PTPRD: variants seen among roughly 807,000 people sequenced by gnomAD.
The protein encoded by PTPRD is protein tyrosine phosphatase receptor type D, also known as receptor-type tyrosine-protein phosphatase delta.
A neutral mutation model predicts 214.5 loss-of-function variants in PTPRD; 34 were observed. The ratio of observed to expected loss-of-function variants is 0.16; its 90% CI spans 0.12 to 0.21. The LOEUF is 0.21. Among genes scored for constraint, PTPRD ranks in the 10% least tolerant of loss-of-function variants. The pLI, the probability that PTPRD is intolerant of heterozygous loss-of-function variation, is 1.00. For missense variants in PTPRD, 2,545 were observed against 2,398.7 expected (o/e 1.06, Z -1.27); for synonymous variants, 1,128 against 845.7 (o/e 1.33, Z -5.79).
chr9:8,999,624 C>A (rs921347195), intron 11 of PTPRD, among the ~76,000 whole-genome samples: 3 of 151,776 alleles, frequency 2.0e-5, no homozygotes, highest in African/African-American at 7.3e-5. Flanking sequence ...TTAATATCTC[C>A]GAGGTATGCT....
At chr9:10,288,103 C>A (rs1035110906) in intron 3 of PTPRD, among the ~76,000 whole-genome samples, 6 of 126,240 alleles carry the variant, frequency 4.8e-5, no homozygotes, top group African/African-American at 1.9e-4. Context: ...AAATTTTGAC[C>A]ACAAACCTTT....
intron 8 of PTPRD, among the ~76,000 whole-genome samples, chr9:9,552,172 G>C (rs1181305757): frequency 2.6e-5 from 4 of 151,848 alleles, no homozygotes; most frequent in Admixed American, 1.3e-4. Context: ...GGCTCAGAGA[G>C]GTAAATTGAT....
chr9:9,417,566 G>C (rs1202984328), intron 8 of PTPRD, among the ~76,000 whole-genome samples: 2 of 152,004 alleles, frequency 1.3e-5, no homozygotes, highest in Non-Finnish European at 2.9e-5. Flanking sequence ...TATTTAGTTT[G>C]AACTCAGGGT....
chr9:10,606,528 A>C (rs964293402), intron 2 of PTPRD, among the ~76,000 whole-genome samples: 3 of 130,046 alleles, frequency 2.3e-5, no homozygotes, highest in African/African-American at 8.1e-5. Context: ...CTTCTTCTTT[A>C]TTTTCTTTTT....
rs367759612 is a variant in PTPRD, at chr9:10,472,119, T to C, written c.-599-131102A>G. Among the ~76,000 whole-genome samples the C allele has an allele frequency of 9.2e-5, 14 of 152,132 alleles. No homozygotes were observed. In the East Asian group the frequency reaches 1.7e-3, roughly 19 times the overall value. ...TATTCAACATAAATTTAAAATTATA[T>C]GAAAATTTTAATTAGAATACAGTAA... On this transcript the variant is annotated intron_variant, in intron 2 of 45. Transcript: ENST00000381196.
At chr9:10,327,711 C>CTGT in intron 3 of PTPRD, among the ~76,000 whole-genome samples, 1 of 151,528 alleles carries the variant, frequency 6.6e-6, no homozygotes, top group East Asian at 2.0e-4. Context: ...ATTTTTTTTC[C>CTGT]ACTTTCCAAA....
chr9:10,282,664 C>T (rs1479634024), intron 3 of PTPRD, among the ~76,000 whole-genome samples: 1 of 152,156 alleles, frequency 6.6e-6, no homozygotes, highest in African/African-American at 2.4e-5. Context: ...AAAATACTCA[C>T]ATCCCCCAAC....
At chr9:10,330,793 AG>A (rs2096735459) in intron 3 of PTPRD, among the ~76,000 whole-genome samples, 3 of 151,822 alleles carry the variant, frequency 2.0e-5, no homozygotes, top group African/African-American at 7.2e-5. Flanking sequence ...GGCAGAGGGC[AG>A]CAAAAAGCCA....
intron 10 of PTPRD, among the ~76,000 whole-genome samples, chr9:9,052,964 A>G (rs12685303): frequency 0.083 from 12,687 of 152,206 alleles, 967 homozygotes; most frequent in African/African-American, 0.2. Context: ...ATTCTGGCTA[A>G]CTTACTCATG....
intron 9 of PTPRD, among the ~76,000 whole-genome samples, chr9:9,344,266 G>T (rs1248778961): frequency 6.6e-6 from 1 of 152,000 alleles, no homozygotes; most frequent in Non-Finnish European, 1.5e-5. Flanking sequence ...CCATAAGTGG[G>T]AGTTGCACAG....
intron 11 of PTPRD, among the ~76,000 whole-genome samples, chr9:8,759,438 T>C (rs1210302994): frequency 6.6e-6 from 1 of 152,124 alleles, no homozygotes; most frequent in Non-Finnish European, 1.5e-5. Flanking sequence ...TGCTCTCTCT[T>C]GTTTTCATCT....
intron 10 of PTPRD, among the ~76,000 whole-genome samples, chr9:9,085,712 T>C (rs936273868): frequency 2.0e-5 from 3 of 152,066 alleles, no homozygotes; most frequent in Non-Finnish European, 4.4e-5. Context: ...TGCCACCTCA[T>C]TGCCATATAC....
intron 11 of PTPRD, among the ~76,000 whole-genome samples, chr9:8,808,522 C>T (rs997736581): frequency 1.6e-5 from 2 of 128,268 alleles, no homozygotes; most frequent in South Asian, 5.3e-4. Context: ...ATATGACTTA[C>T]GTATGCAAAA....
chr9:9,731,922 C>T (rs539124427), intron 7 of PTPRD, among the ~76,000 whole-genome samples: 24 of 152,096 alleles, frequency 1.6e-4, no homozygotes, highest in African/African-American at 5.5e-4. Context: ...AGCAAACTTG[C>T]AGAATTGCTG....
chr9:9,148,120 G>A (rs531462726), intron 10 of PTPRD, among the ~76,000 whole-genome samples: 1 of 152,262 alleles, frequency 6.6e-6, no homozygotes, highest in South Asian at 2.1e-4. Flanking sequence ...CAAAAATAAA[G>A]AAGAAAATTA....
chr9:9,450,429 T>C (rs1264031627), intron 8 of PTPRD, among the ~76,000 whole-genome samples: 1 of 151,950 alleles, frequency 6.6e-6, no homozygotes, highest in African/African-American at 2.4e-5. Flanking sequence ...CCAACATCTA[T>C]TATTTTTTGA....
At chr9:9,850,261 A>C (rs910096509) in intron 5 of PTPRD, among the ~76,000 whole-genome samples, 3 of 152,160 alleles carry the variant, frequency 2.0e-5, no homozygotes, top group African/African-American at 7.2e-5. Flanking sequence ...ACGCATTCTA[A>C]ACTTGAGGCT....
At chr9:8,576,847 T>C (rs1466928392) in intron 14 of PTPRD, among the ~76,000 whole-genome samples, 2 of 152,186 alleles carry the variant, frequency 1.3e-5, no homozygotes, top group Non-Finnish European at 2.9e-5. Context: ...TTGGTGACTC[T>C]CTTCCTTAGT....
At chr9:8,890,304 T>A (rs1365913759) in intron 11 of PTPRD, among the ~76,000 whole-genome samples, 1 of 152,226 alleles carries the variant, frequency 6.6e-6, no homozygotes, top group South Asian at 2.1e-4. Flanking sequence ...AGGAAACAGT[T>A]TCTTTTCCAG....
Sources: gnomAD v4.1 joint callset for allele counts (sites outside exome capture counted in the v4.1 genomes callset) on GRCh38, gnomAD v4.1.1 for gene constraint, MANE v1.5 for transcripts, NCBI Gene and HGNC (gene_info 2026-07-23, HGNC 2026-07-21) for gene names.